Variants in NKAIN2 observed in about 807,000 individuals in gnomAD.
The protein encoded by NKAIN2 is sodium/potassium transporting ATPase interacting 2.
A neutral mutation model predicts 32.6 loss-of-function variants in NKAIN2; 14 were observed. That is an observed-to-expected ratio of 0.43 (90% CI 0.28 to 0.67). The LOEUF is 0.67. Ranked by LOEUF, NKAIN2 falls within the 30% of genes least tolerant of loss-of-function variation. NKAIN2 has a pLI of 0.17. For synonymous variants in NKAIN2, 80 were observed against 87.2 expected (o/e 0.92, Z 0.46); for missense variants, 198 against 258.3 (o/e 0.77, Z 1.60).
rs1364723212 is a variant in NKAIN2, at chr6:124,315,873, TTAAAA to T, written c.192+32737_192+32741del. Among the ~76,000 whole-genome samples, 9 of 152,150 alleles carry T rather than the reference TTAAAA, an allele frequency of 5.9e-5. No individual in the cohort carries two copies. The East Asian group carries it at 7.7e-4, about 13-fold the overall frequency. On this transcript the variant is annotated intron_variant, in intron 2 of 6. Coordinates refer to ENST00000368417, the MANE Select transcript of NKAIN2 (RefSeq NM_001040214.3). ...TTATTCAAAACATTTTATTTTCCTA[TTAAAA>T]TAAAAACATTTTTAGAAACTCAGAG...
intron 3 of NKAIN2, among the ~76,000 whole-genome samples, chr6:124,458,723 C>T (rs1399921423): frequency 6.6e-6 from 1 of 151,782 alleles, no homozygotes; most frequent in East Asian, 1.9e-4. Flanking sequence ...TATATCTAGA[C>T]ACTGCAATAT....
intron 1 of NKAIN2, among the ~76,000 whole-genome samples, chr6:124,065,169 A>C (rs188067594): frequency 6.6e-6 from 1 of 152,026 alleles, no homozygotes. Flanking sequence ...TTAGCTTTCT[A>C]ATCTAACGCA....
At chr6:124,625,929 TTTTG>T (rs776114280) in intron 3 of NKAIN2, among the ~76,000 whole-genome samples, 114 of 151,906 alleles carry the variant, frequency 7.5e-4, no homozygotes, top group African/African-American at 1.4e-3. Flanking sequence ...TATGACCAGT[TTTTG>T]TTTTTTTAAA....
intron 2 of NKAIN2, among the ~76,000 whole-genome samples, chr6:124,344,651 A>G (rs1583085589): frequency 6.6e-6 from 1 of 152,240 alleles, no homozygotes; most frequent in Non-Finnish European, 1.5e-5. Flanking sequence ...ATTGGTGTAT[A>G]AGAATGCTTG....
At chr6:124,016,769 C>T (rs929625422) in intron 1 of NKAIN2, among the ~76,000 whole-genome samples, 60 of 151,720 alleles carry the variant, frequency 4.0e-4, no homozygotes, top group African/African-American at 1.3e-3. Context: ...AGGTTGTTTT[C>T]AATTTTTTTT....
intron 1 of NKAIN2, among the ~76,000 whole-genome samples, chr6:124,243,712 T>C (rs558116805): frequency 6.6e-6 from 1 of 151,716 alleles, no homozygotes; most frequent in African/African-American, 2.4e-5. Context: ...TTCCCTGCAC[T>C]TTCTCTGCTA....
At chr6:124,665,581 T>G (rs1772758853) in intron 4 of NKAIN2, among the ~76,000 whole-genome samples, 1 of 152,188 alleles carries the variant, frequency 6.6e-6, no homozygotes, top group African/African-American at 2.4e-5. Flanking sequence ...TCATGGAAGT[T>G]TGTTTTCCTT....
At position 124,286,663 on chromosome 6, in the gene NKAIN2, TGTGTGTGTGTGCGC is replaced by T. The variant is rs1247432148; in HGVS notation, c.192+3523_192+3536del. Among the ~76,000 whole-genome samples the T allele has an allele frequency of 4.8e-3, 598 of 124,110 alleles. 6 individuals carry two copies. Among genetic ancestry groups the T allele is most frequent in the African/African-American group, 0.027 (578 of 21,748 alleles). 81.4% of individuals were successfully genotyped at this position (124,110 alleles called of 152,430 possible). On this transcript the variant is annotated intron_variant, in intron 2 of 6. Transcript: ENST00000368417. ...AAAATTGTGTGTGTGTGTGTGTGTG[TGTGTGTGTGTGCGC>T]GCGCGTGTGTGTGTGTGTGTGTGAG...
intron 1 of NKAIN2, among the ~76,000 whole-genome samples, chr6:124,090,341 TATTAA>T (rs1330709643): frequency 6.6e-6 from 1 of 152,038 alleles, no homozygotes; most frequent in South Asian, 2.1e-4. Flanking sequence ...TGCTAAAGAA[TATTAA>T]ATTCTAGCTG....
At chr6:124,601,270 G>T (rs992277290) in intron 3 of NKAIN2, among the ~76,000 whole-genome samples, 1 of 151,978 alleles carries the variant, frequency 6.6e-6, no homozygotes, top group African/African-American at 2.4e-5. Context: ...ACCATGCTTT[G>T]GAAAGAATGC....
At position 123,945,516 on chromosome 6, in the gene NKAIN2, C is replaced by T. The variant is rs149957344; in HGVS notation, c.54+141262C>T. Among the ~76,000 whole-genome samples, 288 of 152,188 alleles carry T rather than the reference C, an allele frequency of 1.9e-3. 1 individual carries two copies. Among genetic ancestry groups the T allele is most frequent in the African/African-American group, 6.7e-3 (279 of 41,538 alleles). On this transcript the variant is annotated intron_variant, in intron 1 of 6. Transcript: ENST00000368417. ...AAATTAGGCCTGGCACCTTCTTCCTCAATGACTGAGTGACTATGAACATGT... is the reference window on the plus strand; with the variant it reads ...AAATTAGGCCTGGCACCTTCTTCCTTAATGACTGAGTGACTATGAACATGT...
At chr6:123,827,434 C>G (rs1430077212) in intron 1 of NKAIN2, among the ~76,000 whole-genome samples, 7 of 151,992 alleles carry the variant, frequency 4.6e-5, no homozygotes, top group Non-Finnish European at 7.4e-5. Flanking sequence ...TATACATGTA[C>G]CACATGAAAA....
chr6:124,303,981 C>T (rs1285637008), intron 2 of NKAIN2, among the ~76,000 whole-genome samples: 3 of 152,094 alleles, frequency 2.0e-5, no homozygotes, highest in Non-Finnish European at 4.4e-5. Context: ...ATGCCATTTA[C>T]TGTAGTGGGT....
chr6:124,176,885 G>A (rs1165049852), intron 1 of NKAIN2, among the ~76,000 whole-genome samples: 1 of 151,810 alleles, frequency 6.6e-6, no homozygotes, highest in Non-Finnish European at 1.5e-5. Flanking sequence ...CTTTTAATAT[G>A]CAAGTTTTTA....
At chr6:124,091,088 T>C (rs191455859) in intron 1 of NKAIN2, among the ~76,000 whole-genome samples, 4 of 152,056 alleles carry the variant, frequency 2.6e-5, no homozygotes, top group South Asian at 2.1e-4. Context: ...ATTTACATAG[T>C]CCATGTAACC....
At chr6:123,870,800 T>C (rs1391710658) in intron 1 of NKAIN2, among the ~76,000 whole-genome samples, 2 of 152,182 alleles carry the variant, frequency 1.3e-5, no homozygotes, top group Non-Finnish European at 2.9e-5. Flanking sequence ...GTTGAGTGCT[T>C]AAGTGCTGAA....
intron 1 of NKAIN2, among the ~76,000 whole-genome samples, chr6:123,914,214 C>A (rs542807749): frequency 6.7e-6 from 1 of 150,010 alleles, no homozygotes; most frequent in African/African-American, 2.5e-5. Context: ...TTGTGTATGA[C>A]GAGAGAGAGA....
At chr6:124,492,146 A>G (rs1277269589) in intron 3 of NKAIN2, among the ~76,000 whole-genome samples, 1 of 151,852 alleles carries the variant, frequency 6.6e-6, no homozygotes, top group East Asian at 1.9e-4. Context: ...ATATTTTATT[A>G]TATTTTCTTC....
At chr6:124,341,302 C>T (rs542836793) in intron 2 of NKAIN2, among the ~76,000 whole-genome samples, 1 of 152,016 alleles carries the variant, frequency 6.6e-6, no homozygotes, top group East Asian at 1.9e-4. Flanking sequence ...TTATAGAATA[C>T]TTAGTGAGAC....
Sources: gnomAD v4.1 joint callset for allele counts (sites outside exome capture counted in the v4.1 genomes callset) on GRCh38, gnomAD v4.1.1 for gene constraint, MANE v1.5 for transcripts, NCBI Gene and HGNC (gene_info 2026-07-23, HGNC 2026-07-21) for gene names.